GOLGB1: variants seen among roughly 807,000 people sequenced by gnomAD.
The protein encoded by GOLGB1 is golgin B1, also known as golgin subfamily B member 1.
In GOLGB1, 174 loss-of-function variants were observed where a neutral mutation model predicts 336.9. That is an observed-to-expected ratio of 0.52 (90% CI 0.46 to 0.59). GOLGB1 has a LOEUF of 0.59. Among genes scored for constraint, GOLGB1 ranks in the 20% least tolerant of loss-of-function variants. The pLI is 0.00. For synonymous variants in GOLGB1, 1,208 were observed against 1,289.2 expected, an observed-to-expected ratio of 0.94 and a Z score of 1.35; for missense variants, 3,331 against 3,645.3, an observed-to-expected ratio of 0.91 and a Z score of 2.22.
In GOLGB1 at chr3:121,664,629, T is replaced by C; in HGVS notation, c.9661-15A>G. 1 of 1,613,276 alleles carries C rather than the reference T, an allele frequency of 6.2e-7. No homozygotes were observed. The highest frequency in any genetic ancestry group is 1.1e-5 in the South Asian group (1 of 91,074). Reference sequence around the variant, plus strand: ...CCACTCCGGGTCTGAAAGAAAAATGTGAAAGTCAGAGAGTTTTCACCCTAT... The same window carrying C: ...CCACTCCGGGTCTGAAAGAAAAATGCGAAAGTCAGAGAGTTTTCACCCTAT... On this transcript the variant is annotated splice_polypyrimidine_tract_variant and intron_variant, in intron 21 of 21. Transcript: ENST00000614479.
intron 5 of GOLGB1, among the ~76,000 whole-genome samples, chr3:121,724,171 A>T (rs1945387529): frequency 6.6e-6 from 1 of 152,134 alleles, no homozygotes. Flanking sequence ...ATTCTGAGGA[A>T]CTAGCTCAAA....
At position 121,697,187 on chromosome 3, in the gene GOLGB1, T is replaced by C; in HGVS notation, c.3336A>G (p.Gln1112=). 6 of 1,614,106 alleles carry C rather than the reference T, an allele frequency of 3.7e-6. No individual in the cohort carries two copies. Among genetic ancestry groups the C allele is most frequent in the Non-Finnish European group, 5.1e-6 (6 of 1,179,958 alleles). The change falls in exon 13 of 22, where the codon CAA becomes CAG. Residue 1112 remains glutamine, a synonymous_variant. Coordinates refer to ENST00000614479, the MANE Select transcript of GOLGB1 (RefSeq NM_001366282.2). The part of the protein sequence containing the change: ...MNQTLQDKTN[Q]IDLLQAEISE... ...TGATTTCTGCTTGGAGCAAATCTAT[T>C]TGGTTTGTTTTATCTTGCAAGGTCT...
chr3:121,664,576 T>G lies in GOLGB1; in HGVS notation c.9699A>C (p.Ser3233=). The change falls in exon 22 of 22, where the codon TCA becomes TCC. Residue 3233 remains serine, a synonymous_variant. Transcript: ENST00000614479. ...GCACTCGGGTCCGTGAATGACAGAGTGAACGCAGGACTCGCTTCCATCCAA... is the reference window on the plus strand; with the variant it reads ...GCACTCGGGTCCGTGAATGACAGAGGGAACGCAGGACTCGCTTCCATCCAA... ...SGVGWKRVLR[S]LCHSRTRVPL... 1 of 1,613,440 alleles carries G rather than the reference T, an allele frequency of 6.2e-7. No individual in the cohort carries two copies. Among genetic ancestry groups the G allele is most frequent in the Non-Finnish European group, 8.5e-7 (1 of 1,179,568 alleles).
In GOLGB1 at chr3:121,719,629, G is replaced by A. The variant is rs902638554; in HGVS notation, c.771+17C>T. On this transcript the variant is annotated intron_variant, in intron 7 of 21. Coordinates refer to ENST00000614479, the MANE Select transcript of GOLGB1 (RefSeq NM_001366282.2). ...TAACCAAAATGACAGTCATTCTACC[G>A]AGTTTTAGCAACACACCTGTTGCAT... 1.3e-6 allele frequency: 2 copies of A among 1,589,084 alleles called. No homozygotes were observed. The highest frequency in any genetic ancestry group is 1.8e-5 in the Admixed American group (1 of 56,940).
At chr3:121,699,921 A>T in intron 11 of GOLGB1, 36 bp from the exon 12 acceptor site, 1 of 1,201,392 alleles carries the variant, frequency 8.3e-7, no homozygotes, top group Non-Finnish European at 1.2e-6. Flanking sequence ...TAGAAGATAT[A>T]TGTGGAGTGT....
intron 10 of GOLGB1, among the ~76,000 whole-genome samples, chr3:121,707,731 CT>C (rs1449388754): frequency 6.6e-6 from 1 of 151,970 alleles, no homozygotes; most frequent in Non-Finnish European, 1.5e-5. Flanking sequence ...CTTTGGAGGC[CT>C]GCATAAATAA....
chr3:121,747,150 T>TTATATA (rs548032779), intron 1 of GOLGB1, among the ~76,000 whole-genome samples: 125 of 49,550 alleles, frequency 2.5e-3, no homozygotes, highest in African/African-American at 3.2e-3. Flanking sequence ...TACATGGATG[T>TTATATA]TATATATATA....
chr3:121,690,553 T>G (rs1942312358), intron 14 of GOLGB1, 117 bp downstream of exon 14: 1 of 509,314 alleles, frequency 2.0e-6, no homozygotes, highest in Non-Finnish European at 3.3e-6. Context: ...CATAATACTT[T>G]CCCTGCGTTC....
intron 14 of GOLGB1, among the ~76,000 whole-genome samples, chr3:121,689,893 CAGG>C (rs1464368512): frequency 1.3e-5 from 2 of 152,186 alleles, no homozygotes; most frequent in Non-Finnish European, 2.9e-5. Flanking sequence ...GCGGCTGAGG[CAGG>C]AGGACTGCTT....
At chr3:121,713,963 A>T (rs1944550245) in intron 10 of GOLGB1, among the ~76,000 whole-genome samples, 1 of 152,224 alleles carries the variant, frequency 6.6e-6, no homozygotes, top group Non-Finnish European at 1.5e-5. Flanking sequence ...CAAACGTGCT[A>T]AAATGTTAAT....
At chr3:121,718,867 C>A (rs1311771657) in intron 7 of GOLGB1, among the ~76,000 whole-genome samples, 1 of 152,166 alleles carries the variant, frequency 6.6e-6, no homozygotes, top group Non-Finnish European at 1.5e-5. Context: ...ACATTCTCTG[C>A]AGGCAAGAAT....
chr3:121,697,850 C>T lies in GOLGB1; in HGVS notation c.2673G>A (p.Lys891=), dbSNP rs751606190. The part of the protein sequence containing the change: ...TKMDQLLLEK[K]RDVETLQQTI... ...TTTGTTGGAGGGTTTCCACATCTCTCTTTTTCTCTAGTAAGAGCTGATCCA... is the reference window on the plus strand; with the variant it reads ...TTTGTTGGAGGGTTTCCACATCTCTTTTTTTCTCTAGTAAGAGCTGATCCA... Residue 891 remains lysine (K), a synonymous_variant, in exon 13 of 22, where the codon AAG becomes AAA. Transcript: ENST00000614479. 5.6e-6 allele frequency: 9 copies of T among 1,613,998 alleles called. 1 individual carries two copies. In the South Asian group the frequency reaches 9.9e-5, roughly 18 times the overall value.
rs576096500 is a variant in GOLGB1, at chr3:121,717,248, A to G, written c.886-109T>C. On this transcript the variant is annotated intron_variant, in intron 8 of 21. Coordinates refer to ENST00000614479, the MANE Select transcript of GOLGB1 (RefSeq NM_001366282.2). ...TGGAAAAAAATGGGAACATGTTTCTATGCTAGAGAGAAAGCCCTTCTCAAG... is the reference window on the plus strand; with the variant it reads ...TGGAAAAAAATGGGAACATGTTTCTGTGCTAGAGAGAAAGCCCTTCTCAAG... 7.5e-5 allele frequency: 62 copies of G among 823,122 alleles called. No individual in the cohort carries two copies. The African/African-American group carries it at 1.0e-3, about 14-fold the overall frequency. The allele number at this position is 823,122 out of a possible 1,614,324, so 51.0% of individuals were successfully genotyped here.
Position 121,697,731 on chromosome 3 carries a change from A to G in GOLGB1, c.2792T>C (p.Val931Ala), listed in dbSNP as rs771571000. Residue 931 changes from valine (V) to alanine (A), a missense_variant, in exon 13 of 22, where the codon GTT (valine) becomes GCT (alanine). Val to Ala is a moderately conservative substitution (Grantham distance 64). Coordinates refer to ENST00000614479, the MANE Select transcript of GOLGB1 (RefSeq NM_001366282.2). ...QLNEEKFSLGVEIKTLKEQLN... is the reference protein window; with the variant it reads ...QLNEEKFSLGAEIKTLKEQLN... ...CTGTTCTTTAAGAGTCTTAATTTCA[A>G]CCCCAAGAGAAAACTTCTCTTCATT... 72 of 1,613,848 alleles carry G rather than the reference A, an allele frequency of 4.5e-5. No homozygotes were observed. The highest frequency in any genetic ancestry group is 1.0e-4 in the Admixed American group (6 of 59,994).
chr3:121,693,658 G>A (rs1942671764), intron 13 of GOLGB1, 83 bp downstream of exon 13: 4 of 1,029,258 alleles, frequency 3.9e-6, no homozygotes, highest in Admixed American at 2.3e-5. Flanking sequence ...TAGTCCCATT[G>A]TCTAAAAGGA....
chr3:121,690,938 TCAAGGTGAGA>T lies in GOLGB1; in HGVS notation c.8416_8425del (p.Ser2806ArgfsTer21), dbSNP rs780988683. 2.7e-5 allele frequency: 44 copies of T among 1,614,222 alleles called. No individual in the cohort carries two copies. Among genetic ancestry groups the T allele is most frequent in the Non-Finnish European group, 3.6e-5 (43 of 1,180,020 alleles). ...GGATAGGAGCTGTTGGTTAAGTTTC[TCAAGGTGAGA>T]CAAGCTATTCTCCTCAGTGGAGTTC... On this transcript the variant is annotated frameshift_variant, in exon 14 of 22. Coordinates refer to ENST00000614479, the MANE Select transcript of GOLGB1 (RefSeq NM_001366282.2). LOFTEE classifies it high-confidence loss of function.
At chr3:121,675,132 G>A (rs538868365) in intron 17 of GOLGB1, among the ~76,000 whole-genome samples, 13 of 152,270 alleles carry the variant, frequency 8.5e-5, no homozygotes, top group East Asian at 1.9e-4. Flanking sequence ...CACCGCGCCC[G>A]GCCTGAGGTG....
chr3:121,684,127 C>CAAAAAAAAAA (rs61510295), intron 14 of GOLGB1, among the ~76,000 whole-genome samples: 25 of 10,890 alleles, frequency 2.3e-3, no homozygotes, highest in African/African-American at 2.7e-3. Flanking sequence ...GACGCCGTCT[C>CAAAAAAAAAA]AAAAAAAAAA....
rs1390263058 is a variant in GOLGB1, at chr3:121,708,584, G to T, written c.1405-5989C>A. ...GGAAGTTAAGGCTATAGTGAGCTGT[G>T]ATCATGTGACTGCACTCCAGCCTGG... On this transcript the variant is annotated intron_variant, in intron 10 of 21. Transcript: ENST00000614479. Among the ~76,000 whole-genome samples, 3 of 152,116 alleles carry T rather than the reference G, an allele frequency of 2.0e-5. No individual in the cohort carries two copies. The South Asian group carries it at 6.2e-4, about 31-fold the overall frequency.
Sources: allele counts gnomAD v4.1 joint callset (sites outside exome capture counted in the v4.1 genomes callset), GRCh38; gene constraint gnomAD v4.1.1; transcripts MANE v1.5; gene names NCBI Gene and HGNC (gene_info 2026-07-23, HGNC 2026-07-21).